HNMT: variants seen among roughly 807,000 people sequenced by gnomAD.
HNMT encodes histamine N-methyltransferase.
HNMT carries 30 observed loss-of-function variants against 32.1 expected under a neutral mutation model. The observed-to-expected ratio is 0.93, with a 90% CI of 0.70 to 1.27. The LOEUF (loss-of-function observed/expected upper bound fraction) is 1.27, where lower values mean the gene tolerates loss of function less well. Ranked by LOEUF, HNMT falls within the 50% of genes most tolerant of loss-of-function variation. The probability of loss-of-function intolerance (pLI) is 0.00; values close to 1 mark genes in which losing one functional copy is unlikely to be tolerated. For missense variants in HNMT, 327 were observed against 346.0 expected (o/e 0.95, Z 0.43); for synonymous variants, 125 against 119.0 (o/e 1.05, Z -0.33).
At chr2:138,000,879 C>T (rs1160848444) in intron 2 of HNMT, 39 bp from the exon 3 acceptor site, 6 of 1,104,914 alleles carry the variant, frequency 5.4e-6, no homozygotes, top group Non-Finnish European at 8.0e-6. Flanking sequence ...TCATTTCTTG[C>T]TGGAATGATG....
At chr2:137,999,453 T>C (rs887058959) in intron 2 of HNMT, among the ~76,000 whole-genome samples, 1 of 152,156 alleles carries the variant, frequency 6.6e-6, no homozygotes, top group African/African-American at 2.4e-5. Flanking sequence ...TGTCAGTACT[T>C]GGGACTCTCA....
rs560184603 is a variant in HNMT at position 138,002,799 on chromosome 2, G to A, written c.429+605G>A. 6.3e-4 allele frequency: 610 copies of A among 971,896 alleles called. 2 individuals carry two copies. The Middle Eastern group carries it at 0.01, about 16-fold the overall frequency. 60.2% of individuals were successfully genotyped at this position (971,896 alleles called of 1,614,324 possible). On this transcript the variant is annotated intron_variant, in intron 4 of 5. Coordinates refer to ENST00000280097, the MANE Select transcript of HNMT (RefSeq NM_006895.3). ...TTTATATAGAGATTTGAGAATGATA[G>A]CATCATAACATATTCTCTAGTGGCT...
At chr2:137,971,724 G>T (rs1419072482) in intron 2 of HNMT, among the ~76,000 whole-genome samples, 6 of 152,172 alleles carry the variant, frequency 3.9e-5, no homozygotes, top group Non-Finnish European at 8.8e-5. Context: ...CCTGGAGAGT[G>T]AAGGCTATTC....
At chr2:137,994,433 A>G (rs1371182401) in intron 2 of HNMT, among the ~76,000 whole-genome samples, 1 of 152,190 alleles carries the variant, frequency 6.6e-6, no homozygotes, top group Non-Finnish European at 1.5e-5. Flanking sequence ...AGACAAGGGC[A>G]TTACATAAGG....
chr2:137,990,573 A>T (rs1680787782), intron 2 of HNMT, among the ~76,000 whole-genome samples: 1 of 152,132 alleles, frequency 6.6e-6, no homozygotes, highest in Non-Finnish European at 1.5e-5. Flanking sequence ...TTATGGGTAT[A>T]AATTATTTTT....
intron 2 of HNMT, among the ~76,000 whole-genome samples, chr2:137,996,947 G>T (rs1481374564): frequency 1.3e-5 from 2 of 152,166 alleles, no homozygotes; most frequent in Admixed American, 1.3e-4. Flanking sequence ...AGTAAATGGT[G>T]CTGGGAAAAC....
intron 2 of HNMT, among the ~76,000 whole-genome samples, chr2:137,989,942 GT>G (rs1415034880): frequency 1.3e-5 from 2 of 152,140 alleles, no homozygotes; most frequent in African/African-American, 4.8e-5. Flanking sequence ...TGGGCTGGTT[GT>G]TTTCTTATCG....
At chr2:137,981,140 G>T in intron 2 of HNMT, 5 of 1,479,336 alleles carry the variant, frequency 3.4e-6, no homozygotes, top group Non-Finnish European at 4.5e-6. Context: ...TATGAGAAAA[G>T]AAGCAGGGAT....
chr2:137,992,388 G>T (rs1443496584), intron 2 of HNMT, among the ~76,000 whole-genome samples: 2 of 152,208 alleles, frequency 1.3e-5, no homozygotes, highest in Non-Finnish European at 2.9e-5. Context: ...GAGACAGGGA[G>T]GCTGGACGGC....
At position 138,000,833 on chromosome 2, in the gene HNMT, T is replaced by C. The variant is rs1681146015; in HGVS notation, c.191-85T>C. Reference sequence around the variant, plus strand: ...TTATGTTAGGCTTTCCTAGTAAAGGTAGGGCAGATAATAAATCAGCTAAAA... The same window carrying C: ...TTATGTTAGGCTTTCCTAGTAAAGGCAGGGCAGATAATAAATCAGCTAAAA... On this transcript the variant is annotated intron_variant, in intron 2 of 5. Transcript: ENST00000280097. The C allele has an allele frequency of 4.5e-6, 3 of 672,660 alleles. No individual in the cohort carries two copies. In the South Asian group the frequency reaches 6.5e-5, roughly 15 times the overall value. 41.7% of individuals were successfully genotyped at this position (672,660 alleles called of 1,614,324 possible).
In HNMT at chr2:138,015,448, A is replaced by G. The variant is rs1480348710; in HGVS notation, c.*1318A>G. ...ATCACTTTAAAAAGTTAAACGACCC[A>G]TCTCAATCACCTAGTTTATCCCCAG... On this transcript the variant is annotated 3_prime_UTR_variant, in exon 6 of 6. Coordinates refer to ENST00000280097, the MANE Select transcript of HNMT (RefSeq NM_006895.3). The G allele has an allele frequency of 3.9e-5, 6 of 152,100 alleles. No individual in the cohort carries two copies. The highest frequency in any genetic ancestry group is 1.4e-4 in the African/African-American group (6 of 41,432). The allele number at this position is 152,100 out of a possible 1,614,324, so 9.4% of individuals were successfully genotyped here.
In HNMT at chr2:138,011,571, C is replaced by T. The variant is rs775963333; in HGVS notation, c.524-2204C>T. Among the ~76,000 whole-genome samples the T allele has an allele frequency of 3.3e-5, 5 of 152,024 alleles. No individual in the cohort carries two copies. The East Asian group carries it at 7.7e-4, about 24-fold the overall frequency. On this transcript the variant is annotated intron_variant, in intron 5 of 5. Transcript: ENST00000280097. ...AACTTTAGCTTAATCCATGCATGAG[C>T]GCCAAGGGTCTTTGAGCATTCTATA...
At chr2:137,980,063 T>C (rs543571688) in intron 2 of HNMT, among the ~76,000 whole-genome samples, 9 of 145,070 alleles carry the variant, frequency 6.2e-5, no homozygotes, top group South Asian at 4.4e-4. Flanking sequence ...TGAGACAGAG[T>C]CTCCCTCTGT....
intron 4 of HNMT, among the ~76,000 whole-genome samples, chr2:138,003,201 T>A (rs1002522904): frequency 6.6e-6 from 1 of 150,902 alleles, no homozygotes; most frequent in African/African-American, 2.5e-5. Flanking sequence ...AACCTGCACA[T>A]TGTGCACATG....
intron 2 of HNMT, among the ~76,000 whole-genome samples, chr2:137,973,459 A>G (rs926491086): frequency 6.6e-6 from 1 of 152,170 alleles, no homozygotes; most frequent in African/African-American, 2.4e-5. Context: ...TGGCTTGAGT[A>G]TCCTTCCAAA....
In HNMT at chr2:137,985,515, A is replaced by C. The variant is rs569368957; in HGVS notation, c.190+15298A>C. ...CCAAGTTGTGACTTCTCTCTTTCCT[A>C]CATACTTTTATTCTTCTAGTCATCC... On this transcript the variant is annotated intron_variant, in intron 2 of 5. Coordinates refer to ENST00000280097, the MANE Select transcript of HNMT (RefSeq NM_006895.3). Among the ~76,000 whole-genome samples, 7 of 152,194 alleles carry C rather than the reference A, an allele frequency of 4.6e-5. No individual in the cohort carries two copies. In the South Asian group the frequency reaches 1.4e-3, roughly 31 times the overall value.
intron 5 of HNMT, among the ~76,000 whole-genome samples, chr2:138,012,877 T>C (rs541112946): frequency 6.6e-6 from 1 of 152,232 alleles, no homozygotes; most frequent in South Asian, 2.1e-4. Flanking sequence ...ACCTCCCAGC[T>C]CACTGGTCTG....
chr2:137,994,695 A>T (rs890393604), intron 2 of HNMT, among the ~76,000 whole-genome samples: 3 of 152,198 alleles, frequency 2.0e-5, no homozygotes, highest in Admixed American at 2.0e-4. Flanking sequence ...AAACCTCTGT[A>T]CCCCAAATCA....
chr2:138,007,182 CT>C (rs1381877472), intron 5 of HNMT, among the ~76,000 whole-genome samples: 1 of 151,950 alleles, frequency 6.6e-6, no homozygotes, highest in African/African-American at 2.4e-5. Flanking sequence ...CCATCTATTT[CT>C]TCCTAAAAGA....
Sources: gnomAD v4.1 joint callset for allele counts (sites outside exome capture counted in the v4.1 genomes callset) on GRCh38, gnomAD v4.1.1 for gene constraint, MANE v1.5 for transcripts, NCBI Gene and HGNC (gene_info 2026-07-23, HGNC 2026-07-21) for gene names.